The following FRMD4B variants were observed in gnomAD, a reference collection of about 807,000 sequenced individuals.
FRMD4B encodes the protein FERM domain containing 4B.
In FRMD4B, 74 loss-of-function variants were observed where a neutral mutation model predicts 141.5. The ratio of observed to expected loss-of-function variants is 0.52; its 90% confidence interval spans 0.43 to 0.63. The LOEUF is 0.63. Among genes scored for constraint, FRMD4B ranks in the 30% least tolerant of loss-of-function variants. The pLI is 0.00. For synonymous variants in FRMD4B, 506 were observed against 467.9 expected (o/e 1.08, Z -1.05); for missense variants, 1,366 against 1,253.4 (o/e 1.09, Z -1.36).
rs776593990 is a variant in FRMD4B, at chr3:69,181,334, T to C, written c.2416A>G (p.Ile806Val). 1.2e-6 allele frequency: 2 copies of C among 1,613,950 alleles called. No individual in the cohort carries two copies. The highest frequency in any genetic ancestry group is 1.7e-6 in the Non-Finnish European group (2 of 1,179,858). The change falls in exon 21 of 23, where the codon ATT becomes GTT. Residue 806 changes from isoleucine to valine, a missense_variant. Coordinates refer to ENST00000398540, the MANE Select transcript of FRMD4B (RefSeq NM_015123.3). ...TCTGCATAGGGTGTGTACCCGGCAA[T>C]GTAGTAACTGGAAGACGGTGGCTCC... is the stretch of plus-strand genomic sequence containing the variant. ...SQEPPSSSYY[I>V]AGYTPYAECD... is the part of the protein sequence containing the mutation.
chr3:69,447,700 TCTTA>T (rs963811373), intron 1 of FRMD4B, among the ~76,000 whole-genome samples: 1 of 152,200 alleles, frequency 6.6e-6, no homozygotes, highest in African/African-American at 2.4e-5. Context: ...CATTTCTCTC[TCTTA>T]CTTCCTGCCC....
chr3:69,239,311 A>G (rs1559743671), intron 7 of FRMD4B, among the ~76,000 whole-genome samples: 1 of 152,194 alleles, frequency 6.6e-6, no homozygotes, highest in Non-Finnish European at 1.5e-5. Context: ...CTCAGCTAGA[A>G]TTCCTTTGTC....
intron 1 of FRMD4B, among the ~76,000 whole-genome samples, chr3:69,520,356 T>C (rs1046778554): frequency 7.1e-6 from 1 of 140,142 alleles, no homozygotes; most frequent in Non-Finnish European, 1.5e-5. Flanking sequence ...GGAATATATA[T>C]ATGATGGAAT....
chr3:69,375,760 A>C (rs952195116), intron 1 of FRMD4B, among the ~76,000 whole-genome samples: 8 of 152,198 alleles, frequency 5.3e-5, no homozygotes, highest in African/African-American at 9.6e-5. Context: ...TACCTATTAT[A>C]ATAAGTACAT....
At chr3:69,420,391 G>A (rs1212659007) in intron 2 of FRMD4B, among the ~76,000 whole-genome samples, 4 of 151,380 alleles carry the variant, frequency 2.6e-5, no homozygotes, top group Non-Finnish European at 5.9e-5. Context: ...TTCATGATCA[G>A]ATTTATTTCT....
chr3:69,189,222 CAAAAAAAAA>C (rs71115659), intron 18 of FRMD4B, among the ~76,000 whole-genome samples: 1 of 39,774 alleles, frequency 2.5e-5, no homozygotes, highest in East Asian at 7.6e-4. Context: ...AACTCCATCT[CAAAAAAAAA>C]AAAAAAAAAA....
intron 5 of FRMD4B, among the ~76,000 whole-genome samples, chr3:69,267,632 TATATAGAGAGAG>T (rs2093572681): frequency 1.7e-3 from 18 of 10,572 alleles, no homozygotes; most frequent in African/African-American, 5.4e-3. Context: ...TATATATATA[TATATAGAGAGAG>T]AGAGAGAGAG....
intron 2 of FRMD4B, among the ~76,000 whole-genome samples, chr3:69,427,251 A>T (rs1358155488): frequency 6.7e-6 from 1 of 148,528 alleles, no homozygotes; most frequent in African/African-American, 2.4e-5. Context: ...AAACAATTAC[A>T]TACTATATAA....
At chr3:69,448,474 T>C (rs964156290) in intron 1 of FRMD4B, among the ~76,000 whole-genome samples, 14 of 152,246 alleles carry the variant, frequency 9.2e-5, no homozygotes, top group African/African-American at 3.4e-4. Flanking sequence ...CCATTTTATA[T>C]TTACACCAGC....
intron 2 of FRMD4B, among the ~76,000 whole-genome samples, chr3:69,415,917 A>C (rs1197393267): frequency 1.6e-4 from 24 of 152,252 alleles, no homozygotes; most frequent in Non-Finnish European, 3.4e-4. Flanking sequence ...AAAAGACAGT[A>C]GTACTGGCTA....
chr3:69,363,180 A>C (rs1201410316), intron 1 of FRMD4B, among the ~76,000 whole-genome samples: 1 of 151,694 alleles, frequency 6.6e-6, no homozygotes, highest in African/African-American at 2.4e-5. Context: ...TCATGGTTGC[A>C]ATATAGCTGC....
chr3:69,218,009 C>T (rs554898853), intron 10 of FRMD4B, among the ~76,000 whole-genome samples: 4 of 152,010 alleles, frequency 2.6e-5, no homozygotes, highest in East Asian at 1.9e-4. Context: ...GTTGAAATAA[C>T]GCTGGAGACT....
chr3:69,534,913 A>G (rs1004245027), intron 1 of FRMD4B, among the ~76,000 whole-genome samples: 2 of 152,252 alleles, frequency 1.3e-5, no homozygotes, highest in African/African-American at 4.8e-5. Context: ...AATGTGGCAC[A>G]TAGTTGGTGT....
At chr3:69,388,881 T>C (rs138838441), upstream of FRMD4B, among the ~76,000 whole-genome samples, 3 of 152,252 alleles carry the variant, frequency 2.0e-5, no homozygotes, top group East Asian at 3.9e-4. Context: ...AAGTGCAGTG[T>C]TGTTATATGG....
intron 1 of FRMD4B, among the ~76,000 whole-genome samples, chr3:69,363,248 GTT>G (rs56074743): frequency 1.5e-5 from 2 of 132,752 alleles, no homozygotes; most frequent in Non-Finnish European, 3.1e-5. Context: ...TTTTTACCAT[GTT>G]TTTTTTTTTT....
At chr3:69,407,143 C>T (rs776191745) in intron 2 of FRMD4B, among the ~76,000 whole-genome samples, 7 of 151,982 alleles carry the variant, frequency 4.6e-5, no homozygotes, top group Non-Finnish European at 8.8e-5. Flanking sequence ...GTGAGGGTGG[C>T]GTGGTTTAAG....
rs914001072 is a variant in FRMD4B at position 69,483,285 on chromosome 3, T to G, written c.-128-50524A>C. On this transcript the variant is annotated intron_variant, in intron 1 of 5. Transcript: ENST00000459638. ...TTTAGGTGAGAAGAGTGTCTGTGGC[T>G]TCTAAGGCCTTTGCCAGAGATTCTT... is the stretch of plus-strand genomic sequence containing the variant. 2.7e-4 allele frequency among the ~76,000 whole-genome samples: 41 copies of G among 152,244 alleles called. 2 individuals are homozygous for G. The highest frequency in any genetic ancestry group is 1.5e-5 in the Non-Finnish European group (1 of 68,040).
At chr3:69,407,292 G>A (rs887491744) in intron 2 of FRMD4B, among the ~76,000 whole-genome samples, 1 of 152,192 alleles carries the variant, frequency 6.6e-6, no homozygotes, top group Non-Finnish European at 1.5e-5. Context: ...TGTAATGTAA[G>A]TGATTCCACC....
intron 1 of FRMD4B, chr3:69,536,722 G>A (rs1374408827): frequency 6.2e-6 from 4 of 647,550 alleles, no homozygotes; most frequent in Non-Finnish European, 1.1e-5. Flanking sequence ...TTCAGTTATG[G>A]TAAGGACTTC....
Sources: allele counts gnomAD v4.1 joint callset (sites outside exome capture counted in the v4.1 genomes callset), GRCh38; gene constraint gnomAD v4.1.1; transcripts MANE v1.5; gene names NCBI Gene and HGNC (gene_info 2026-07-23, HGNC 2026-07-21).